The following POLR2F variants were observed in gnomAD, a reference collection of about 807,000 sequenced individuals.
POLR2F encodes RNA polymerase II, I and III subunit F, also known as DNA-directed RNA polymerases I, II, and III subunit RPABC2.
Under a neutral mutation model 22.7 loss-of-function variants are expected in POLR2F, and 12 were observed. The ratio of observed to expected loss-of-function variants is 0.53; its 90% CI spans 0.34 to 0.86. POLR2F has a LOEUF of 0.86. POLR2F is among the 40% of genes least tolerant of loss of function. POLR2F has a pLI of 0.02. For missense variants in POLR2F, 126 were observed against 171.5 expected (o/e 0.73, Z 1.48); for synonymous variants, 57 against 66.0 (o/e 0.86, Z 0.66).
chr22:38,020,204 TATAC>T (rs1388768129), intron 1 of POLR2F, among the ~76,000 whole-genome samples: 1 of 90,968 alleles, frequency 1.1e-5, no homozygotes, highest in Non-Finnish European at 2.1e-5. Flanking sequence ...CACACACATA[TATAC>T]ACACACACAC....
At chr22:38,037,062 T>A (rs561106718) in intron 5 of POLR2F, among the ~76,000 whole-genome samples, 13 of 152,314 alleles carry the variant, frequency 8.5e-5, no homozygotes, top group Non-Finnish European at 1.6e-4. Context: ...CTGCCTGATG[T>A]TAGCTTGTAG....
intron 3 of POLR2F, among the ~76,000 whole-genome samples, chr22:37,962,447 C>G: frequency 6.6e-6 from 1 of 152,140 alleles, no homozygotes; most frequent in East Asian, 1.9e-4. Flanking sequence ...TGTTCTCCCC[C>G]ATTCCTCAGT....
At chr22:37,973,828 C>T (rs1222665101), downstream of POLR2F, 1 of 1,605,166 alleles carries the variant, frequency 6.2e-7, no homozygotes, top group South Asian at 1.1e-5. Flanking sequence ...TCTCTGTCTT[C>T]ACCTGGGCTT....
intron 1 of POLR2F, among the ~76,000 whole-genome samples, chr22:38,022,926 G>T (rs2084973332): frequency 6.6e-6 from 1 of 152,130 alleles, no homozygotes. Context: ...CAGGGGGATC[G>T]CTTGAACCCA....
chr22:37,974,213 G>T (rs1369323666), downstream of POLR2F: 11 of 1,586,022 alleles, frequency 6.9e-6, no homozygotes, highest in African/African-American at 1.3e-5. This position sits in a 1 kb window ranked among gnomAD's most constrained non-coding sequence, Gnocchi z 5.4. Context: ...GTAGAAGGGA[G>T]ACAGAGAGAG....
intron 1 of POLR2F, chr22:37,988,830 G>T (rs890798116): frequency 4.5e-5 from 7 of 154,408 alleles, no homozygotes; most frequent in African/African-American, 1.7e-4. Flanking sequence ...AATCACCAGG[G>T]ATGGAGGAGG....
chr22:37,974,293 G>A (rs1932158442), downstream of POLR2F: 1 of 929,622 alleles, frequency 1.1e-6, no homozygotes, highest in Admixed American at 2.1e-5. The surrounding 1 kb of genome is among the most constrained non-coding windows in gnomAD (Gnocchi z 5.4). Context: ...CCTTCAGGCA[G>A]CGGGTGCCTC....
At chr22:38,034,506 C>A (rs937408288) in intron 5 of POLR2F, among the ~76,000 whole-genome samples, 3 of 152,190 alleles carry the variant, frequency 2.0e-5, no homozygotes, top group Admixed American at 6.5e-5. Context: ...TCTAAGGAGA[C>A]CGAAGTGCCC....
At chr22:37,960,053 C>T (rs1384634335) in intron 3 of POLR2F, among the ~76,000 whole-genome samples, 1 of 152,140 alleles carries the variant, frequency 6.6e-6, no homozygotes, top group Non-Finnish European at 1.5e-5. Flanking sequence ...ATCCACCTGC[C>T]TCTGCCTCCC....
chr22:37,994,561 C>T (rs1217108154), intron 1 of POLR2F, among the ~76,000 whole-genome samples: 1 of 152,162 alleles, frequency 6.6e-6, no homozygotes, highest in Non-Finnish European at 1.5e-5. Flanking sequence ...CTCTGTCGCC[C>T]AGGCTGGAGT....
Position 37,991,529 on chromosome 22 carries a change from T to C in POLR2F, c.120+5217T>C, listed in dbSNP as rs75514011. Among the ~76,000 whole-genome samples the C allele has an allele frequency of 8.9e-3, 1,358 of 152,362 alleles. 9 individuals carry two copies. Among genetic ancestry groups the C allele is most frequent in the Non-Finnish European group, 0.015 (987 of 68,028 alleles). On this transcript the variant is annotated intron_variant, in intron 1 of 2. Transcript: ENST00000333418. ...CAGTTAAAAACTGCTCTTTAAAATATTTAATATGAATCTTTAATTTATTAT... is the reference window on the plus strand; with the variant it reads ...CAGTTAAAAACTGCTCTTTAAAATACTTAATATGAATCTTTAATTTATTAT...
At chr22:38,041,720 T>TGGGGATG (rs2085173831), downstream of POLR2F, 1 of 152,604 alleles carries the variant, frequency 6.6e-6, no homozygotes, top group Middle Eastern at 2.3e-3. Context: ...AGTGGTGGGC[T>TGGGGATG]GGGGCTGGGG....
At chr22:38,037,098 C>A (rs563994188) in intron 5 of POLR2F, among the ~76,000 whole-genome samples, 11 of 152,286 alleles carry the variant, frequency 7.2e-5, no homozygotes, top group Admixed American at 7.2e-4. Context: ...ATGCATCTTC[C>A]TGAGGAGAGA....
intron 1 of POLR2F, among the ~76,000 whole-genome samples, chr22:37,994,079 G>A (rs988440948): frequency 6.6e-6 from 1 of 152,202 alleles, no homozygotes; most frequent in African/African-American, 2.4e-5. Context: ...TCAACTGCCA[G>A]TTAATGCCCC....
intron 1 of POLR2F, among the ~76,000 whole-genome samples, chr22:38,009,142 G>A (rs1156353908): frequency 6.6e-6 from 1 of 152,248 alleles, no homozygotes; most frequent in Non-Finnish European, 1.5e-5. Context: ...GGAGGCCAGT[G>A]CAGCTGGGAC....
At chr22:37,964,571 T>C (rs1273900112) in intron 3 of POLR2F, among the ~76,000 whole-genome samples, 2 of 96,514 alleles carry the variant, frequency 2.1e-5, no homozygotes, top group Admixed American at 1.1e-4. Context: ...TTTCTTTCTT[T>C]CTTTTTTTTT....
In POLR2F at chr22:37,986,221, C is replaced by T; in HGVS notation, c.31C>T (p.His11Tyr). The T allele has an allele frequency of 1.3e-6, 2 of 1,541,876 alleles. No homozygotes were observed. The highest frequency in any genetic ancestry group is 1.7e-6 in the Non-Finnish European group (2 of 1,147,482). The change falls in exon 1 of 3, where the codon CAT becomes TAT. Residue 11 changes from histidine to tyrosine, a missense_variant. Coordinates refer to the POLR2F transcript ENST00000333418. The surrounding 1 kb of genome is among the most constrained non-coding windows in gnomAD (Gnocchi z 4.7). Reference sequence around the variant, plus strand: ...GATGGACAGAGGGACGAGGGACGAGCATCTGCCGTCGTGTCCCGGCTGCCC... The same window carrying T: ...GATGGACAGAGGGACGAGGGACGAGTATCTGCCGTCGTGTCCCGGCTGCCC...
chr22:37,985,854 T>C (rs1016409585), upstream of POLR2F, among the ~76,000 whole-genome samples: 4 of 132,630 alleles, frequency 3.0e-5, no homozygotes, highest in Non-Finnish European at 4.9e-5. Flanking sequence ...CACACACACA[T>C]GCTCACACAC....
At chr22:38,031,522 A>G (rs2085065615), downstream of POLR2F, among the ~76,000 whole-genome samples, 1 of 152,092 alleles carries the variant, frequency 6.6e-6, no homozygotes, top group Admixed American at 6.5e-5. This position sits in a 1 kb window ranked among gnomAD's most constrained non-coding sequence, Gnocchi z 4.1. Context: ...AGGTCCCCAG[A>G]GCCCAGTGCA....
Sources: allele counts gnomAD v4.1 joint callset (sites outside exome capture counted in the v4.1 genomes callset), GRCh38; gene constraint gnomAD v4.1.1; non-coding constraint Gnocchi (gnomAD v3.1); transcripts MANE v1.5; gene names NCBI Gene and HGNC (gene_info 2026-07-23, HGNC 2026-07-21).